The following GARRE1 variants were observed in gnomAD, a reference collection of about 807,000 sequenced individuals.
GARRE1 encodes the protein granule associated Rac and RHOG effector protein 1.
A neutral mutation model predicts 103.2 loss-of-function variants in GARRE1; 49 were observed. The observed-to-expected ratio is 0.47, with a 90% confidence interval of 0.38 to 0.60. The LOEUF is 0.60. Among genes scored for constraint, GARRE1 ranks in the 20% least tolerant of loss-of-function variants. The pLI is 0.00. For missense variants in GARRE1, 1,199 were observed against 1,370.5 expected, an observed-to-expected ratio of 0.87 and a Z score of 1.98; for synonymous variants, 505 against 532.8, an observed-to-expected ratio of 0.95 and a Z score of 0.72.
Position 34,354,364 on chromosome 19 carries a change from A to G in GARRE1, c.*1409A>G, listed in dbSNP as rs887854002. On this transcript the variant is annotated 3_prime_UTR_variant, in exon 14 of 14. Transcript: ENST00000299505. ...CTCGTTTTTCTACAGATATAAGTAA[A>G]TTTATATATAAAAATACCAAAAAGA... 6.6e-6 allele frequency: 1 copy of G among 152,158 alleles called. No homozygotes were observed. The highest frequency in any genetic ancestry group is 2.4e-5 in the African/African-American group (1 of 41,442). 9.4% of individuals were successfully genotyped at this position (152,158 alleles called of 1,614,324 possible). A position where few individuals can be genotyped will look rare whatever the true frequency, so the allele number is the denominator to read the frequency against.
At chr19:34,350,365 G>A (rs565730305) in intron 12 of GARRE1, among the ~76,000 whole-genome samples, 2 of 152,308 alleles carry the variant, frequency 1.3e-5, no homozygotes, top group East Asian at 3.9e-4. Flanking sequence ...CGGGGGTGGA[G>A]TTTGAGACTT....
intron 1 of GARRE1, among the ~76,000 whole-genome samples, chr19:34,273,515 C>T (rs2145959440): frequency 6.6e-6 from 1 of 152,276 alleles, no homozygotes; most frequent in African/African-American, 2.4e-5. Flanking sequence ...GTACTGAGGA[C>T]AAACTAATAA....
rs1253728591 is a variant in GARRE1 at position 34,300,185 on chromosome 19, CA to C, written c.-287del. 1.8e-5 allele frequency: 6 copies of C among 341,112 alleles called. No individual in the cohort carries two copies. Among genetic ancestry groups the C allele is most frequent in the Non-Finnish European group, 2.6e-5 (5 of 189,542 alleles). The allele number at this position is 341,112 out of a possible 1,614,324, so 21.1% of individuals were successfully genotyped here. A position where few individuals can be genotyped will look rare whatever the true frequency, so the allele number is the denominator to read the frequency against. On this transcript the variant is annotated 5_prime_UTR_variant, in exon 2 of 14. Coordinates refer to ENST00000299505, the MANE Select transcript of GARRE1 (RefSeq NM_014686.5). ...GCAAAGAAGTAAACATTTTTCTCAG[CA>C]AGCATATCCTTTTAGTAAGAGAGTG... is the stretch of plus-strand genomic sequence containing the variant.
At chr19:34,290,983 T>G (rs1367089909) in intron 1 of GARRE1, among the ~76,000 whole-genome samples, 1 of 132,888 alleles carries the variant, frequency 7.5e-6, no homozygotes. Context: ...CTTGGTTCAC[T>G]GCAACCTCCG....
chr19:34,301,513 C>CAAAAAAAAA, intron 2 of GARRE1, among the ~76,000 whole-genome samples: 1 of 85,402 alleles, frequency 1.2e-5, no homozygotes, highest in Non-Finnish European at 2.2e-5. Context: ...GACCATGTCT[C>CAAAAAAAAA]AAAAAAAAAA....
At chr19:34,351,369 G>A (rs549678983) in intron 12 of GARRE1, 145 bp from the exon 13 acceptor site, 29 of 632,864 alleles carry the variant, frequency 4.6e-5, no homozygotes, top group African/African-American at 3.1e-4. Context: ...CCCCTTAGCC[G>A]CCTTTATGCC....
chr19:34,333,108 G>T (rs973495504), intron 7 of GARRE1, among the ~76,000 whole-genome samples: 1 of 152,114 alleles, frequency 6.6e-6, no homozygotes, highest in East Asian at 1.9e-4. Flanking sequence ...GTGCAGTGGC[G>T]CAATCTCGGC....
chr19:34,351,368 C>T (rs989357117), intron 12 of GARRE1, 146 bp from the exon 13 acceptor site: 10 of 628,802 alleles, frequency 1.6e-5, no homozygotes, highest in African/African-American at 3.6e-5. Context: ...TCCCCTTAGC[C>T]GCCTTTATGC....
chr19:34,342,117 A>G lies in GARRE1; in HGVS notation c.2183A>G (p.Gln728Arg), dbSNP rs145625075. The change falls in exon 10 of 14, where the codon CAA becomes CGA. Residue 728 changes from glutamine to arginine, a missense_variant. By Grantham distance (43) the Gln-to-Arg change is conservative. Coordinates refer to ENST00000299505, the MANE Select transcript of GARRE1 (RefSeq NM_014686.5). ...APQQQSPKQQ[Q>R]PQVQYYQHLL... The stretch of plus-strand genomic sequence containing the variant: ...CAGCAGCAGTCCCCAAAGCAGCAAC[A>G]ACCTCAAGTCCAATACTACCAACAC... The G allele has an allele frequency of 1.0e-3, 1,609 of 1,614,006 alleles. No individual in the cohort carries two copies. The highest frequency in any genetic ancestry group is 1.3e-3 in the Non-Finnish European group (1,548 of 1,180,014).
intron 1 of GARRE1, among the ~76,000 whole-genome samples, chr19:34,293,737 CACACACAT>C (rs1452498250): frequency 7.4e-6 from 1 of 135,162 alleles, no homozygotes; most frequent in Non-Finnish European, 1.5e-5. Flanking sequence ...CACACACACA[CACACACAT>C]ATTTCTTTTT....
intron 2 of GARRE1, among the ~76,000 whole-genome samples, chr19:34,307,756 TATATA>T (rs1260925162): frequency 1.4e-5 from 2 of 139,874 alleles, no homozygotes; most frequent in African/African-American, 5.2e-5. Flanking sequence ...TATATATACA[TATATA>T]GTATATATAT....
chr19:34,296,701 G>C (rs1176918232), intron 1 of GARRE1: 2 of 757,062 alleles, frequency 2.6e-6, no homozygotes, highest in East Asian at 4.9e-5. Context: ...TGCCATTTTC[G>C]GGACTGGTTG....
chr19:34,293,198 C>T (rs764391187), intron 1 of GARRE1, among the ~76,000 whole-genome samples: 6 of 151,904 alleles, frequency 3.9e-5, no homozygotes, highest in South Asian at 4.1e-4. Context: ...TGTGTATTGG[C>T]GTATTTATAA....
At chr19:34,269,971 C>G (rs942051489) in intron 1 of GARRE1, among the ~76,000 whole-genome samples, 2 of 152,130 alleles carry the variant, frequency 1.3e-5, no homozygotes, top group Non-Finnish European at 2.9e-5. Flanking sequence ...CTTGGTGGAC[C>G]CCACCCCAAA....
In GARRE1 at chr19:34,309,401, T is replaced by C. The variant is rs192915939; in HGVS notation, c.495+8433T>C. 5.9e-5 allele frequency among the ~76,000 whole-genome samples: 9 copies of C among 152,316 alleles called. No individual in the cohort carries two copies. The East Asian group carries it at 1.5e-3, about 26-fold the overall frequency. The stretch of plus-strand genomic sequence containing the variant: ...AGATAAGTTGGGAAGCTTGAACACA[T>C]ACTGAGTCTTGGTTGATTGGGATTT... On this transcript the variant is annotated intron_variant, in intron 2 of 13. Transcript: ENST00000299505.
chr19:34,256,198 T>A (rs2145946679), intron 1 of GARRE1, among the ~76,000 whole-genome samples: 2 of 152,000 alleles, frequency 1.3e-5, no homozygotes, highest in African/African-American at 4.8e-5. Context: ...TTTGGACAAT[T>A]TTTCTGTCTC....
chr19:34,306,680 GCA>G (rs768636187), intron 2 of GARRE1, among the ~76,000 whole-genome samples: 5 of 152,192 alleles, frequency 3.3e-5, no homozygotes, highest in Non-Finnish European at 7.3e-5. Context: ...CAGTTACTGG[GCA>G]CAGAGTCAGA....
intron 3 of GARRE1, among the ~76,000 whole-genome samples, 171 bp downstream of exon 3, chr19:34,320,287 TTGTGCCAGGCA>T (rs1376112997): frequency 6.6e-6 from 1 of 152,278 alleles, no homozygotes; most frequent in Admixed American, 6.5e-5. Flanking sequence ...AATGCCCACT[TTGTGCCAGGCA>T]TGTGCCAGGC....
chr19:34,319,975 G>T lies in GARRE1; in HGVS notation c.564G>T (p.Lys188Asn). Residue 188 changes from lysine to asparagine, a missense_variant, in exon 3 of 14, where the codon AAG (lysine) becomes AAT (asparagine). Physicochemically the swap from Lys to Asn is moderately conservative, Grantham distance 94. Transcript: ENST00000299505. Reference protein sequence around the residue: ...HFQFLTHALQKVQPVAHSCFA... With the variant: ...HFQFLTHALQNVQPVAHSCFA... ...AGTTTTTGACTCATGCGTTACAGAA[G>T]GTCCAGCCGGTGGCTCACTCTTGCT... 6.2e-7 allele frequency: 1 copy of T among 1,614,258 alleles called. No homozygotes were observed. The highest frequency in any genetic ancestry group is 8.5e-7 in the Non-Finnish European group (1 of 1,180,052).
Sources: gnomAD v4.1 joint callset for allele counts (sites outside exome capture counted in the v4.1 genomes callset) on GRCh38, gnomAD v4.1.1 for gene constraint, MANE v1.5 for transcripts, NCBI Gene and HGNC (gene_info 2026-07-23, HGNC 2026-07-21) for gene names.